Variants in PTPRG observed in about 807,000 individuals in gnomAD.
The protein encoded by PTPRG is receptor-type tyrosine-protein phosphatase gamma.
In PTPRG, 102 loss-of-function variants were observed where a neutral mutation model predicts 165.3. That is an observed-to-expected ratio of 0.62 (90% CI 0.53 to 0.73). The LOEUF is 0.73. Ranked by LOEUF, PTPRG falls within the 30% of genes least tolerant of loss-of-function variation. The probability of loss-of-function intolerance (pLI) is 0.00; values close to 1 mark genes in which losing one functional copy is unlikely to be tolerated. For missense variants in PTPRG, 1,866 were observed against 1,861.4 expected (o/e 1.00, Z -0.05); for synonymous variants, 675 against 669.5 (o/e 1.01, Z -0.13).
At chr3:62,291,714 A>ATCC (rs1702904564) in intron 28 of PTPRG, among the ~76,000 whole-genome samples, 1 of 152,172 alleles carries the variant, frequency 6.6e-6, no homozygotes, top group Non-Finnish European at 1.5e-5. Flanking sequence ...CAATTCATTT[A>ATCC]ATCCATCTGT....
At chr3:61,836,924 C>T (rs944580872) in intron 2 of PTPRG, among the ~76,000 whole-genome samples, 453 of 141,278 alleles carry the variant, frequency 3.2e-3, no homozygotes, top group African/African-American at 0.011. Flanking sequence ...TTTTTTTTTT[C>T]TTTTGAGATG....
At chr3:61,961,083 T>TA (rs1341787035) in intron 2 of PTPRG, among the ~76,000 whole-genome samples, 2 of 152,168 alleles carry the variant, frequency 1.3e-5, no homozygotes, top group African/African-American at 2.4e-5. Flanking sequence ...AGTAAAGTGT[T>TA]AAAAAACTTT....
intron 1 of PTPRG, among the ~76,000 whole-genome samples, chr3:61,609,032 A>G (rs1397507717): frequency 1.3e-5 from 2 of 152,190 alleles, no homozygotes; most frequent in East Asian, 1.9e-4. Flanking sequence ...CAGCCTGAAC[A>G]TGATACGGAA....
At chr3:62,021,766 C>T (rs200711342) in intron 4 of PTPRG, among the ~76,000 whole-genome samples, 3 of 151,790 alleles carry the variant, frequency 2.0e-5, no homozygotes, top group Non-Finnish European at 2.9e-5. Context: ...CTTTCTCTCA[C>T]CAGAATGCAA....
At chr3:62,282,905 G>T (rs376587896) in intron 28 of PTPRG, 36 bp downstream of exon 28, 1 of 1,554,888 alleles carries the variant, frequency 6.4e-7, no homozygotes, top group Admixed American at 2.0e-5. Context: ...AATGTAGACC[G>T]TTTTTTTGTT....
intron 1 of PTPRG, among the ~76,000 whole-genome samples, chr3:61,688,557 G>A (rs1254147713): frequency 6.6e-6 from 1 of 152,188 alleles, no homozygotes; most frequent in Non-Finnish European, 1.5e-5. Context: ...CTGTTCTGGG[G>A]CTCTCTGGTG....
At position 61,852,162 on chromosome 3, in the gene PTPRG, A is replaced by G. The variant is rs1325387865; in HGVS notation, c.190+103180A>G. On this transcript the variant is annotated intron_variant, in intron 2 of 29. Coordinates refer to ENST00000474889, the MANE Select transcript of PTPRG (RefSeq NM_002841.4). The stretch of plus-strand genomic sequence containing the variant: ...ATTTCTTTTTAAGGTGTTTGGATAC[A>G]GTATTAGCTGATACTACTTTTCTCT... Among the ~76,000 whole-genome samples the G allele has an allele frequency of 3.3e-5, 5 of 152,324 alleles. No individual in the cohort carries two copies. The East Asian group carries it at 9.6e-4, about 29-fold the overall frequency.
chr3:61,950,007 A>G (rs1300097931), intron 2 of PTPRG, among the ~76,000 whole-genome samples: 5 of 152,008 alleles, frequency 3.3e-5, no homozygotes. Flanking sequence ...CGCCCTCCCA[A>G]TGTGCTGGGA....
At chr3:61,983,261 T>G (rs1230249856) in intron 2 of PTPRG, among the ~76,000 whole-genome samples, 1 of 152,138 alleles carries the variant, frequency 6.6e-6, no homozygotes, top group African/African-American at 2.4e-5. Flanking sequence ...CCATAAAGAT[T>G]TTAATTAAAA....
chr3:62,010,825 T>C (rs2041404488), intron 4 of PTPRG, among the ~76,000 whole-genome samples: 1 of 152,156 alleles, frequency 6.6e-6, no homozygotes, highest in Non-Finnish European at 1.5e-5. Context: ...TAACAGTTTT[T>C]CCCCCGTGTT....
At position 62,040,438 on chromosome 3, in the gene PTPRG, A is replaced by T. The variant is rs139085668; in HGVS notation, c.519+36941A>T. Among the ~76,000 whole-genome samples the T allele has an allele frequency of 1.9e-3, 293 of 152,306 alleles. 7 individuals are homozygous for T. The East Asian group carries it at 0.047, about 24-fold the overall frequency. ...AATTTCGACTGTCTTCAAAGAGTTT[A>T]TTCGAAGTTGCACGTGAGTCCAGTT... is the stretch of plus-strand genomic sequence containing the variant. On this transcript the variant is annotated intron_variant, in intron 4 of 29. Transcript: ENST00000474889.
chr3:61,902,692 G>T (rs2038530111), intron 2 of PTPRG, among the ~76,000 whole-genome samples: 1 of 152,156 alleles, frequency 6.6e-6, no homozygotes, highest in Non-Finnish European at 1.5e-5. Flanking sequence ...CATATAGTGA[G>T]CACTCAGTAA....
intron 4 of PTPRG, among the ~76,000 whole-genome samples, chr3:62,077,569 GA>G (rs1701429956): frequency 1.3e-5 from 2 of 152,168 alleles, no homozygotes; most frequent in African/African-American, 2.4e-5. Flanking sequence ...ATTTCACCAT[GA>G]CCTGGCTATT....
intron 13 of PTPRG, 34 bp from the exon 14 acceptor site, chr3:62,231,191 T>C: frequency 6.7e-7 from 1 of 1,492,222 alleles, no homozygotes; most frequent in East Asian, 2.4e-5. Context: ...TACTGTATTC[T>C]ACACCTGTTC....
chr3:61,985,159 T>C (rs1052067152), intron 2 of PTPRG, among the ~76,000 whole-genome samples: 2 of 152,264 alleles, frequency 1.3e-5, no homozygotes, highest in Admixed American at 6.5e-5. Flanking sequence ...GGGCGAACTC[T>C]ACTTTTGACT....
At chr3:61,834,709 A>C (rs1442767045) in intron 2 of PTPRG, among the ~76,000 whole-genome samples, 1 of 152,156 alleles carries the variant, frequency 6.6e-6, no homozygotes, top group Non-Finnish European at 1.5e-5. Flanking sequence ...ACTACTCAGG[A>C]AGCTGAGGCA....
chr3:61,592,252 C>T (rs1228636083), intron 1 of PTPRG, among the ~76,000 whole-genome samples: 1 of 151,970 alleles, frequency 6.6e-6, no homozygotes, highest in Non-Finnish European at 1.5e-5. Flanking sequence ...CAGGTGTGAG[C>T]CACCGCGTCC....
rs770595135 is a variant in PTPRG at position 62,271,520 on chromosome 3, G to T, written c.3147G>T (p.Arg1049=). Reference sequence around the variant, plus strand: ...TCGTGAGGAGATCCTCAGCAGCTCGGATGCCAGAAACGGGCCCTGTGTTGG... The same window carrying T: ...TCGTGAGGAGATCCTCAGCAGCTCGTATGCCAGAAACGGGCCCTGTGTTGG... ...LTFVRRSSAA[R]MPETGPVLVH... is the part of the protein sequence containing the mutation. Residue 1049 remains arginine (R), a synonymous_variant, in exon 21 of 30, where the codon CGG becomes CGT. Transcript: ENST00000474889. The surrounding 1 kb of genome is among the most constrained non-coding windows in gnomAD (Gnocchi z 4.1). 4.3e-6 allele frequency: 7 copies of T among 1,613,708 alleles called. No individual in the cohort carries two copies. The South Asian group carries it at 5.5e-5, about 13-fold the overall frequency.
intron 2 of PTPRG, among the ~76,000 whole-genome samples, chr3:61,828,130 A>C (rs1019658605): frequency 6.6e-6 from 1 of 152,204 alleles, no homozygotes; most frequent in Non-Finnish European, 1.5e-5. Context: ...TTAGTCTTCT[A>C]CATGCCCTTT....
Sources: allele counts gnomAD v4.1 joint callset (sites outside exome capture counted in the v4.1 genomes callset), GRCh38; gene constraint gnomAD v4.1.1; non-coding constraint Gnocchi (gnomAD v3.1); transcripts MANE v1.5; gene names NCBI Gene and HGNC (gene_info 2026-07-23, HGNC 2026-07-21).